RHOV: variants seen among roughly 807,000 people sequenced by gnomAD.
RHOV encodes the protein rho-related GTP-binding protein RhoV.
RHOV carries 6 observed loss-of-function variants against 20.2 expected under a neutral mutation model. The ratio of observed to expected loss-of-function variants is 0.30; its 90% CI spans 0.16 to 0.59. The LOEUF is 0.59. Among genes scored for constraint, RHOV ranks in the 20% least tolerant of loss-of-function variants. The pLI is 0.89. For synonymous variants in RHOV, 136 were observed against 142.3 expected, an observed-to-expected ratio of 0.96 and a Z score of 0.31; for missense variants, 275 against 319.4, an observed-to-expected ratio of 0.86 and a Z score of 1.06.
At position 40,873,331 on chromosome 15, in the gene RHOV, G is replaced by A. The variant is rs1156435930; in HGVS notation, c.438C>T (p.Asp146=). The A allele has an allele frequency of 3.1e-6, 5 of 1,613,020 alleles. No homozygotes were observed. In the African/African-American group the frequency reaches 6.7e-5, roughly 22 times the overall value. ...APVLLVGTQA[D]LRDDVNVLIQ... ...TTAGTACGTTGACATCGTCCCTCAG[G>A]TCGGCCTGGGTGCCCACCAGCAGCA... is the stretch of plus-strand genomic sequence containing the variant. The change falls in exon 3 of 3, where the codon GAC becomes GAT. Residue 146 remains aspartate, a synonymous_variant. Coordinates refer to ENST00000220507, the MANE Select transcript of RHOV (RefSeq NM_133639.4).
rs1036148042 is a variant in RHOV at position 40,872,300 on chromosome 15, C to T, written c.*758G>A. 1 of 152,584 alleles carries T rather than the reference C, an allele frequency of 6.6e-6. No homozygotes were observed. The allele number at this position is 152,584 out of a possible 1,614,324, so 9.5% of individuals were successfully genotyped here. On this transcript the variant is annotated 3_prime_UTR_variant, in exon 3 of 3. Transcript: ENST00000220507. ...CTTGAGGAAAGGGATGATCCCCAAC[C>T]CGGTCCTCCTTCAGGTTCTAATTTG...
At position 40,872,853 on chromosome 15, in the gene RHOV, A is replaced by T. The variant is rs1371725537; in HGVS notation, c.*205T>A. The T allele has an allele frequency of 1.8e-6, 1 of 545,704 alleles. No homozygotes were observed. Among genetic ancestry groups the T allele is most frequent in the Non-Finnish European group, 3.2e-6 (1 of 309,400 alleles). The allele number at this position is 545,704 out of a possible 1,614,324, so 33.8% of individuals were successfully genotyped here. Reference sequence around the variant, plus strand: ...TTTTTCTGTGAGCTTTGACTGGAGAAATCCAAATCAGAGCCTTCCCTCCTA... The same window carrying T: ...TTTTTCTGTGAGCTTTGACTGGAGATATCCAAATCAGAGCCTTCCCTCCTA... On this transcript the variant is annotated 3_prime_UTR_variant, in exon 3 of 3. Coordinates refer to ENST00000220507, the MANE Select transcript of RHOV (RefSeq NM_133639.4).
chr15:40,873,811 G>A lies in RHOV; in HGVS notation c.209-69C>T, dbSNP rs1388951769. ...CTGGGCCGCACCAGCGCCACCTCGGGGCCTGCTCCAGTCTCCTCCCCGGGG... is the reference window on the plus strand; with the variant it reads ...CTGGGCCGCACCAGCGCCACCTCGGAGCCTGCTCCAGTCTCCTCCCCGGGG... On this transcript the variant is annotated intron_variant, in intron 1 of 2. Transcript: ENST00000220507. 1.3e-5 allele frequency: 20 copies of A among 1,572,048 alleles called. 1 individual carries two copies. Among genetic ancestry groups the A allele is most frequent in the Non-Finnish European group, 1.7e-5 (20 of 1,148,952 alleles).
Position 40,874,170 on chromosome 15 carries a change from C to G in RHOV, c.-31G>C. 2 of 1,050,278 alleles carry G rather than the reference C, an allele frequency of 1.9e-6. No individual in the cohort carries two copies. The highest frequency in any genetic ancestry group is 2.6e-5 in the South Asian group (1 of 39,116). 65.1% of individuals were successfully genotyped at this position (1,050,278 alleles called of 1,614,324 possible). A position where few individuals can be genotyped will look rare whatever the true frequency, so the allele number is the denominator to read the frequency against. Reference sequence around the variant, plus strand: ...GCTCCGGGGGCAGCAGAGGGGCCAGCCCGGGTCTCGGCTTCGCTGCGCTCG... The same window carrying G: ...GCTCCGGGGGCAGCAGAGGGGCCAGGCCGGGTCTCGGCTTCGCTGCGCTCG... On this transcript the variant is annotated 5_prime_UTR_variant, in exon 1 of 3. Transcript: ENST00000220507.
rs1364454231 is a variant in RHOV at position 40,874,011 on chromosome 15, G to A, written c.129C>T (p.Gly43=). Reference sequence around the variant, plus strand: ...TGTAGCTGACGATGAGGCTGCTCTTGCCCACGGCGCCGTCGCCCACCAGCA... The same window carrying A: ...TGTAGCTGACGATGAGGCTGCTCTTACCCACGGCGCCGTCGCCCACCAGCA... ...KCVLVGDGAV[G]KSSLIVSYTC... The change falls in exon 1 of 3, where the codon GGC becomes GGT. Residue 43 remains glycine, a synonymous_variant. Transcript: ENST00000220507. 2 of 1,606,508 alleles carry A rather than the reference G, an allele frequency of 1.2e-6. No individual in the cohort carries two copies.
At chr15:40,873,615 C>T in intron 2 of RHOV, 69 bp downstream of exon 2, 1 of 1,590,054 alleles carries the variant, frequency 6.3e-7, no homozygotes, top group Non-Finnish European at 8.6e-7. Context: ...CCATTTGCTC[C>T]ATATGGGGTC....
At position 40,874,152 on chromosome 15, in the gene RHOV, G is replaced by C; in HGVS notation, c.-13C>G. The C allele has an allele frequency of 8.1e-7, 1 of 1,238,796 alleles. No homozygotes were observed. The highest frequency in any genetic ancestry group is 1.0e-6 in the Non-Finnish European group (1 of 965,508). The allele number at this position is 1,238,796 out of a possible 1,614,324, so 76.7% of individuals were successfully genotyped here. ...CCCGCGGCGGCATGGCCCGCTCCGG[G>C]GGCAGCAGAGGGGCCAGCCCGGGTC... On this transcript the variant is annotated 5_prime_UTR_variant, in exon 1 of 3. Transcript: ENST00000220507.
chr15:40,873,553 C>T (rs763464632), intron 2 of RHOV, 52 bp from the exon 3 acceptor site: 1 of 1,589,752 alleles, frequency 6.3e-7, no homozygotes, highest in South Asian at 1.1e-5. Flanking sequence ...ACATGGAATC[C>T]ATTTCTCACC....
Position 40,872,592 on chromosome 15 carries a change from G to GCTCT in RHOV, c.*462_*465dup, listed in dbSNP as rs1891899422. 6.4e-6 allele frequency: 1 copy of GCTCT among 155,946 alleles called. No individual in the cohort carries two copies. The allele number at this position is 155,946 out of a possible 1,614,324, so 9.7% of individuals were successfully genotyped here. ...GGCTCCAAGACCTCTTTTCCTGCTC[G>GCTCT]CTCTCTCAATCTCTCGCCCACTCCA... On this transcript the variant is annotated 3_prime_UTR_variant, in exon 3 of 3. Transcript: ENST00000220507.
chr15:40,874,149 CG>C lies in RHOV; in HGVS notation c.-11del. ...GCTCCCGCGGCGGCATGGCCCGCTC[CG>C]GGGGCAGCAGAGGGGCCAGCCCGGG... On this transcript the variant is annotated 5_prime_UTR_variant, in exon 1 of 3. Coordinates refer to ENST00000220507, the MANE Select transcript of RHOV (RefSeq NM_133639.4). 18 of 1,285,486 alleles carry C rather than the reference CG, an allele frequency of 1.4e-5. 1 individual carries two copies. The South Asian group carries it at 1.7e-4, about 12-fold the overall frequency. 79.6% of individuals were successfully genotyped at this position (1,285,486 alleles called of 1,614,324 possible). A position where few individuals can be genotyped will look rare whatever the true frequency, so the allele number is the denominator to read the frequency against.
rs936715765 is a variant in RHOV at position 40,872,955 on chromosome 15, G to A, written c.*103C>T. The stretch of plus-strand genomic sequence containing the variant: ...TGTTCAGAAGGGAACTGAGTCCTAT[G>A]AGGTGGCCAGGCCCTGCCAGTAGCT... On this transcript the variant is annotated 3_prime_UTR_variant, in exon 3 of 3. Coordinates refer to ENST00000220507, the MANE Select transcript of RHOV (RefSeq NM_133639.4). 1.0e-5 allele frequency: 8 copies of A among 798,898 alleles called. No homozygotes were observed. The Admixed American group carries it at 1.7e-4, about 17-fold the overall frequency. 49.5% of individuals were successfully genotyped at this position (798,898 alleles called of 1,614,324 possible).
rs1312856966 is a variant in RHOV at position 40,874,016 on chromosome 15, C to T, written c.124G>A (p.Val42Met). 2 of 1,605,540 alleles carry T rather than the reference C, an allele frequency of 1.2e-6. No homozygotes were observed. The highest frequency in any genetic ancestry group is 1.7e-6 in the Non-Finnish European group (2 of 1,177,140). Residue 42 changes from valine (V) to methionine (M), a missense_variant, in exon 1 of 3, where the codon GTG (valine) becomes ATG (methionine). Coordinates refer to ENST00000220507, the MANE Select transcript of RHOV (RefSeq NM_133639.4). ...CTGACGATGAGGCTGCTCTTGCCCA[C>T]GGCGCCGTCGCCCACCAGCACGCAC... ...IKCVLVGDGA[V>M]GKSSLIVSYT...
chr15:40,874,129 C>T lies in RHOV; in HGVS notation c.11G>A (p.Arg4Gln), dbSNP rs1190198945. MPP[R>Q]ELSEAEPPPL... is the part of the protein sequence containing the mutation. ...GGGCGGCTCGGCCTCGCTCAGCTCC[C>T]GCGGCGGCATGGCCCGCTCCGGGGG... The change falls in exon 1 of 3, where the codon CGG becomes CAG. Residue 4 changes from arginine to glutamine, a missense_variant. Physicochemically the swap from Arg to Gln is conservative, Grantham distance 43. Transcript: ENST00000220507. The T allele has an allele frequency of 8.9e-6, 12 of 1,346,544 alleles. No homozygotes were observed. Among genetic ancestry groups the T allele is most frequent in the African/African-American group, 1.5e-5 (1 of 64,798 alleles). The allele number at this position is 1,346,544 out of a possible 1,614,324, so 83.4% of individuals were successfully genotyped here. A position where few individuals can be genotyped will look rare whatever the true frequency, so the allele number is the denominator to read the frequency against.
rs1407748688 is a variant in RHOV at position 40,874,074 on chromosome 15, C to T, written c.66G>A (p.Arg22=). Residue 22 remains arginine (R), a synonymous_variant, in exon 1 of 3, where the codon CGG becomes CGA. Coordinates refer to ENST00000220507, the MANE Select transcript of RHOV (RefSeq NM_133639.4). Reference sequence around the variant, plus strand: ...CCAGCTCTGGGGGCGCGCTACGCCGCCGCGGGGGAGGGGTCGGGGCCCGGA... The same window carrying T: ...CCAGCTCTGGGGGCGCGCTACGCCGTCGCGGGGGAGGGGTCGGGGCCCGGA... ...PPLRAPTPPP[R]RRSAPPELGI... 1.4e-5 allele frequency: 22 copies of T among 1,525,058 alleles called. No homozygotes were observed. The highest frequency in any genetic ancestry group is 1.8e-5 in the Non-Finnish European group (20 of 1,141,314). 94.5% of individuals were successfully genotyped at this position (1,525,058 alleles called of 1,614,324 possible). A position where few individuals can be genotyped will look rare whatever the true frequency, so the allele number is the denominator to read the frequency against.
Position 40,873,092 on chromosome 15 carries a change from C to G in RHOV, c.677G>C (p.Arg226Pro). 7.4e-6 allele frequency: 12 copies of G among 1,614,082 alleles called. No individual in the cohort carries two copies. Among genetic ancestry groups the G allele is most frequent in the Non-Finnish European group, 1.0e-5 (12 of 1,179,948 alleles). Residue 226 changes from arginine (R) to proline (P), a missense_variant, in exon 3 of 3, where the codon CGC becomes CCC. Arg to Pro is a moderately radical substitution (Grantham distance 103). Coordinates refer to ENST00000220507, the MANE Select transcript of RHOV (RefSeq NM_133639.4). ...LNAKGVRTLSRCRWKKFFCFV is the reference protein window; with the variant it reads ...LNAKGVRTLSPCRWKKFFCFV ...GCAGAAGAACTTCTTCCAGCGGCAG[C>G]GGGAGAGGGTGCGCACACCTTTGGC...
At chr15:40,873,611 G>T (rs1326452104) in intron 2 of RHOV, 73 bp downstream of exon 2, 3 of 1,585,608 alleles carry the variant, frequency 1.9e-6, no homozygotes, top group African/African-American at 1.3e-5. Flanking sequence ...TTCTCCATTT[G>T]CTCCATATGG....
Position 40,874,164 on chromosome 15 carries a change from G to C in RHOV, c.-25C>G. The C allele has an allele frequency of 7.3e-6, 8 of 1,100,260 alleles. No individual in the cohort carries two copies. The highest frequency in any genetic ancestry group is 9.5e-6 in the Non-Finnish European group (8 of 842,670). 68.2% of individuals were successfully genotyped at this position (1,100,260 alleles called of 1,614,324 possible). On this transcript the variant is annotated 5_prime_UTR_variant, in exon 1 of 3. Coordinates refer to ENST00000220507, the MANE Select transcript of RHOV (RefSeq NM_133639.4). ...TGGCCCGCTCCGGGGGCAGCAGAGG[G>C]GCCAGCCCGGGTCTCGGCTTCGCTG...
chr15:40,872,967 C>T lies in RHOV; in HGVS notation c.*91G>A. 3.1e-6 allele frequency: 3 copies of T among 961,690 alleles called. No homozygotes were observed. The highest frequency in any genetic ancestry group is 4.8e-6 in the Non-Finnish European group (3 of 620,192). 59.6% of individuals were successfully genotyped at this position (961,690 alleles called of 1,614,324 possible). ...AACTGAGTCCTATGAGGTGGCCAGG[C>T]CCTGCCAGTAGCTGCCGCAAAGGCC... On this transcript the variant is annotated 3_prime_UTR_variant, in exon 3 of 3. Transcript: ENST00000220507.
In RHOV at chr15:40,873,291, C is replaced by A; in HGVS notation, c.478G>T (p.Gly160Trp). ...DVNVLIQLDQ[G>W]GREGPVPQPQ... ...TGGGGCACGGGGCCCTCCCGGCCCC[C>A]CTGGTCCAGCTGAATTAGTACGTTG... Residue 160 changes from glycine (G) to tryptophan (W), a missense_variant, in exon 3 of 3, where the codon GGG becomes TGG. Physicochemically the swap from Gly to Trp is radical, Grantham distance 184. Coordinates refer to ENST00000220507, the MANE Select transcript of RHOV (RefSeq NM_133639.4). The A allele has an allele frequency of 6.2e-7, 1 of 1,613,806 alleles. No individual in the cohort carries two copies. The highest frequency in any genetic ancestry group is 8.5e-7 in the Non-Finnish European group (1 of 1,180,004).
Sources: gnomAD v4.1 joint callset for allele counts on GRCh38, gnomAD v4.1.1 for gene constraint, MANE v1.5 for transcripts, NCBI Gene and HGNC (gene_info 2026-07-23, HGNC 2026-07-21) for gene names.